NDFIP2: variants seen among roughly 807,000 people sequenced by gnomAD.
The protein encoded by NDFIP2 is NEDD4 family-interacting protein 2.
In NDFIP2, 19 loss-of-function variants were observed where a neutral mutation model predicts 36.0. The ratio of observed to expected loss-of-function variants is 0.53; its 90% CI spans 0.37 to 0.77. The LOEUF is 0.77. Among genes scored for constraint, NDFIP2 ranks in the 30% least tolerant of loss-of-function variants. NDFIP2 has a pLI of 0.00. For synonymous variants in NDFIP2, 181 were observed against 167.7 expected, an observed-to-expected ratio of 1.08 and a Z score of -0.61; for missense variants, 446 against 435.8, an observed-to-expected ratio of 1.02 and a Z score of -0.21.
In NDFIP2 at chr13:79,497,246, G is replaced by T. The variant is rs563241146; in HGVS notation, c.321+15722G>T. Among the ~76,000 whole-genome samples the T allele has an allele frequency of 8.5e-5, 13 of 152,076 alleles. 1 individual carries two copies. The Middle Eastern group carries it at 0.031, about 358-fold the overall frequency. Reference sequence around the variant, plus strand: ...GGCTCAGGTCCTTAGGCCTTTACTGGTATCGGTTTTGGATCAGTCCTACAT... The same window carrying T: ...GGCTCAGGTCCTTAGGCCTTTACTGTTATCGGTTTTGGATCAGTCCTACAT... On this transcript the variant is annotated intron_variant, in intron 1 of 7. Coordinates refer to ENST00000218652, the MANE Select transcript of NDFIP2 (RefSeq NM_019080.3).
chr13:79,522,106 G>A (rs1216157314), intron 2 of NDFIP2, among the ~76,000 whole-genome samples: 2 of 152,158 alleles, frequency 1.3e-5, no homozygotes, highest in East Asian at 3.8e-4. Flanking sequence ...GGGATTACAG[G>A]CGTGAGCCAC....
At chr13:79,517,410 A>G (rs1183767119) in intron 1 of NDFIP2, among the ~76,000 whole-genome samples, 2 of 152,238 alleles carry the variant, frequency 1.3e-5, no homozygotes, top group East Asian at 1.9e-4. Context: ...AAGAAAAATT[A>G]TTCTCAAGTA....
chr13:79,501,630 G>A (rs188258713), intron 1 of NDFIP2, among the ~76,000 whole-genome samples: 51 of 152,130 alleles, frequency 3.4e-4, no homozygotes, highest in African/African-American at 1.1e-3. Context: ...TAGATTTAGC[G>A]GCCAACTTTA....
chr13:79,540,101 C>T (rs1157354530), intron 4 of NDFIP2, among the ~76,000 whole-genome samples: 1 of 152,090 alleles, frequency 6.6e-6, no homozygotes, highest in Admixed American at 6.5e-5. Flanking sequence ...TCTGTAGGAG[C>T]GTATAGAATG....
chr13:79,550,924 A>C, intron 6 of NDFIP2, 93 bp from the exon 7 acceptor site: 1 of 671,070 alleles, frequency 1.5e-6, no homozygotes, highest in Non-Finnish European at 2.5e-6. Flanking sequence ...TCCTTAAGCC[A>C]AGAGGATCTT....
At chr13:79,542,100 C>T (rs1028617983) in intron 4 of NDFIP2, among the ~76,000 whole-genome samples, 1 of 152,098 alleles carries the variant, frequency 6.6e-6, no homozygotes, top group Non-Finnish European at 1.5e-5. Flanking sequence ...TTGCCAAATA[C>T]TAGAAATGAA....
chr13:79,521,821 T>G lies in NDFIP2; in HGVS notation c.487+846T>G, dbSNP rs184838193. Among the ~76,000 whole-genome samples, 8 of 149,486 alleles carry G rather than the reference T, an allele frequency of 5.4e-5. No homozygotes were observed. In the East Asian group the frequency reaches 1.5e-3, roughly 29 times the overall value. On this transcript the variant is annotated intron_variant, in intron 2 of 7. Transcript: ENST00000218652. ...TACTCCTTTTATTTGGTTTTCGTTT[T>G]GCTTTTTTTTTTTTTTTTTGAGACG...
intron 5 of NDFIP2, among the ~76,000 whole-genome samples, chr13:79,544,395 T>C (rs1198663669): frequency 6.6e-6 from 1 of 152,182 alleles, no homozygotes; most frequent in African/African-American, 2.4e-5. Flanking sequence ...CAGATAGTTT[T>C]CTGTAAAAAT....
chr13:79,524,984 G>A (rs1006029838), intron 2 of NDFIP2, among the ~76,000 whole-genome samples: 1 of 152,168 alleles, frequency 6.6e-6, no homozygotes, highest in African/African-American at 2.4e-5. Flanking sequence ...AGCTTGTTTG[G>A]ATGGTATCCT....
intron 4 of NDFIP2, among the ~76,000 whole-genome samples, chr13:79,540,100 G>A (rs1377730127): frequency 6.6e-6 from 1 of 152,170 alleles, no homozygotes; most frequent in Non-Finnish European, 1.5e-5. Flanking sequence ...CTCTGTAGGA[G>A]CGTATAGAAT....
At chr13:79,486,291 A>G (rs1165002443) in intron 1 of NDFIP2, among the ~76,000 whole-genome samples, 2 of 152,214 alleles carry the variant, frequency 1.3e-5, no homozygotes, top group African/African-American at 4.8e-5. Context: ...AACATTTAAT[A>G]ACATTTAATA....
At chr13:79,490,484 C>G (rs1873183237) in intron 1 of NDFIP2, among the ~76,000 whole-genome samples, 1 of 152,028 alleles carries the variant, frequency 6.6e-6, no homozygotes, top group African/African-American at 2.4e-5. Flanking sequence ...GATTAGTAAA[C>G]CCTTTCTGTA....
chr13:79,532,585 G>T (rs964175134), intron 2 of NDFIP2, among the ~76,000 whole-genome samples: 1 of 152,130 alleles, frequency 6.6e-6, no homozygotes, highest in Non-Finnish European at 1.5e-5. Context: ...AAAAATTGGG[G>T]TGAGAAATAC....
chr13:79,544,357 T>TC, intron 5 of NDFIP2, among the ~76,000 whole-genome samples: 1 of 152,326 alleles, frequency 6.6e-6, no homozygotes, highest in East Asian at 1.9e-4. Context: ...GGAGACAAGT[T>TC]CCCCATCTTA....
intron 1 of NDFIP2, among the ~76,000 whole-genome samples, chr13:79,502,902 T>TC (rs1272308847): frequency 6.7e-6 from 1 of 150,354 alleles, no homozygotes; most frequent in Non-Finnish European, 1.5e-5. Context: ...TTTTTTTTTT[T>TC]CTCTTTGAAG....
chr13:79,548,285 C>G (rs773627390), intron 5 of NDFIP2, 43 bp from the exon 6 acceptor site: 15 of 1,301,548 alleles, frequency 1.2e-5, no homozygotes, highest in Non-Finnish European at 1.5e-5. Context: ...TTTTCAAATT[C>G]AGGTGTATGA....
At chr13:79,495,694 T>A (rs1334954478) in intron 1 of NDFIP2, among the ~76,000 whole-genome samples, 1 of 151,944 alleles carries the variant, frequency 6.6e-6, no homozygotes, top group East Asian at 1.9e-4. Context: ...TTGCATTTAA[T>A]GTAATTGTTG....
intron 1 of NDFIP2, among the ~76,000 whole-genome samples, chr13:79,483,338 A>G (rs1213282731): frequency 6.6e-6 from 1 of 152,134 alleles, no homozygotes; most frequent in Non-Finnish European, 1.5e-5. Flanking sequence ...TAACCTATCT[A>G]GTATAACTCT....
intron 1 of NDFIP2, among the ~76,000 whole-genome samples, chr13:79,520,359 G>T (rs547207579): frequency 1.3e-5 from 2 of 152,060 alleles, no homozygotes; most frequent in East Asian, 1.9e-4. Context: ...CCTCTTCCCC[G>T]TAGCACCAAA....
Sources: gnomAD v4.1 joint callset for allele counts (sites outside exome capture counted in the v4.1 genomes callset) on GRCh38, gnomAD v4.1.1 for gene constraint, MANE v1.5 for transcripts, NCBI Gene and HGNC (gene_info 2026-07-23, HGNC 2026-07-21) for gene names.